CSMD3: variants seen among roughly 807,000 people sequenced by gnomAD.
CSMD3 encodes the protein CUB and Sushi multiple domains 3.
A neutral mutation model predicts 435.2 loss-of-function variants in CSMD3; 177 were observed. That is an observed-to-expected ratio of 0.41 (90% CI 0.36 to 0.46). The LOEUF is 0.46. CSMD3 is among the 20% of genes least tolerant of loss of function. CSMD3 has a pLI of 0.34. For missense variants in CSMD3, 4,265 were observed against 4,504.6 expected (o/e 0.95, Z 1.52); for synonymous variants, 1,656 against 1,520.5 (o/e 1.09, Z -2.07).
At chr8:113,059,844 G>A (rs1431677687) in intron 5 of CSMD3, among the ~76,000 whole-genome samples, 2 of 152,132 alleles carry the variant, frequency 1.3e-5, no homozygotes, top group Non-Finnish European at 2.9e-5. Flanking sequence ...CGTTTAAACT[G>A]CAGGAGGAAA....
At chr8:112,235,956 C>T (rs941395019) in intron 67 of CSMD3, among the ~76,000 whole-genome samples, 4 of 151,680 alleles carry the variant, frequency 2.6e-5, no homozygotes, top group African/African-American at 9.7e-5. Flanking sequence ...TAAAGAAAAA[C>T]TTTGTTAACA....
chr8:113,133,786 A>G (rs1039912355), intron 4 of CSMD3, among the ~76,000 whole-genome samples: 2 of 152,132 alleles, frequency 1.3e-5, no homozygotes, highest in African/African-American at 4.8e-5. Flanking sequence ...TATAAAGTGA[A>G]ATAAATCCGT....
chr8:113,247,120 C>T (rs1233338133), intron 3 of CSMD3, among the ~76,000 whole-genome samples: 1 of 152,218 alleles, frequency 6.6e-6, no homozygotes, highest in African/African-American at 2.4e-5. Context: ...CTATCTCATT[C>T]TCCACAGGAG....
intron 59 of CSMD3, among the ~76,000 whole-genome samples, chr8:112,270,219 C>A (rs1484640323): frequency 6.6e-6 from 1 of 152,014 alleles, no homozygotes. Flanking sequence ...GGAGACCTTA[C>A]CATTATTATT....
chr8:112,368,530 T>C (rs901540931), intron 38 of CSMD3, among the ~76,000 whole-genome samples: 1 of 152,194 alleles, frequency 6.6e-6, no homozygotes, highest in Non-Finnish European at 1.5e-5. Context: ...ATGTCCTTAC[T>C]CTTAATTAGT....
chr8:112,660,557 A>G (rs911073718), intron 17 of CSMD3, among the ~76,000 whole-genome samples: 1 of 151,720 alleles, frequency 6.6e-6, no homozygotes, highest in Admixed American at 6.6e-5. Flanking sequence ...GGAAGAAGAT[A>G]TTTAAGGATT....
intron 10 of CSMD3, among the ~76,000 whole-genome samples, chr8:112,882,496 A>G (rs2081476702): frequency 6.6e-6 from 1 of 151,928 alleles, no homozygotes; most frequent in South Asian, 2.1e-4. Flanking sequence ...CCCTTATTTC[A>G]CTACCTACTC....
At chr8:112,692,337 TG>T (rs1292309002) in intron 13 of CSMD3, among the ~76,000 whole-genome samples, 1 of 152,178 alleles carries the variant, frequency 6.6e-6, no homozygotes, top group African/African-American at 2.4e-5. Context: ...TTGTAGCTTA[TG>T]TTTTGGTTTA....
At chr8:113,185,939 G>A (rs979863970) in intron 3 of CSMD3, among the ~76,000 whole-genome samples, 14 of 151,840 alleles carry the variant, frequency 9.2e-5, no homozygotes, top group Admixed American at 2.0e-4. Flanking sequence ...TTCCCACCAG[G>A]GAATCTGCCC....
chr8:113,412,970 C>T (rs569004884), intron 1 of CSMD3, among the ~76,000 whole-genome samples: 4 of 152,082 alleles, frequency 2.6e-5, no homozygotes, highest in Admixed American at 1.3e-4. Context: ...AACAGCAGTT[C>T]CTATTAGATA....
chr8:113,300,162 C>CAAAAAAAAAAAAAA (rs34291122), intron 2 of CSMD3, among the ~76,000 whole-genome samples: 5 of 116,556 alleles, frequency 4.3e-5, no homozygotes, highest in East Asian at 5.1e-4. Context: ...TCAAAAAAGT[C>CAAAAAAAAAAAAAA]AAAAAAAAAA....
chr8:112,673,043 C>T (rs1202466359), intron 16 of CSMD3, among the ~76,000 whole-genome samples: 1 of 151,866 alleles, frequency 6.6e-6, no homozygotes, highest in East Asian at 1.9e-4. Context: ...GGGATTTTGC[C>T]ATAGGTGAAT....
Position 112,331,860 on chromosome 8 carries a change from T to G in CSMD3, c.7165+3469A>C, listed in dbSNP as rs1015746730. On this transcript the variant is annotated intron_variant, in intron 45 of 70. Coordinates refer to ENST00000297405, the MANE Select transcript of CSMD3 (RefSeq NM_198123.2). Reference sequence around the variant, plus strand: ...ATAATGAATTATATACTTGGTTTATTTATCAAAAATTCCAAATAATTTGAC... The same window carrying G: ...ATAATGAATTATATACTTGGTTTATGTATCAAAAATTCCAAATAATTTGAC... Among the ~76,000 whole-genome samples the G allele has an allele frequency of 8.1e-4, 123 of 152,088 alleles. 1 individual carries two copies. The highest frequency in any genetic ancestry group is 2.6e-3 in the African/African-American group (106 of 41,470).
intron 2 of CSMD3, among the ~76,000 whole-genome samples, chr8:113,285,814 T>C (rs764422629): frequency 6.6e-6 from 1 of 152,168 alleles, no homozygotes; most frequent in South Asian, 2.1e-4. Context: ...CACCCTAAAT[T>C]TGTCTTTCAA....
chr8:112,258,601 G>A (rs190978113), intron 61 of CSMD3, among the ~76,000 whole-genome samples: 42 of 152,274 alleles, frequency 2.8e-4, no homozygotes, highest in African/African-American at 9.4e-4. Flanking sequence ...CAGTTAGAAT[G>A]GTGATCATTA....
chr8:113,165,890 T>C (rs925667384), intron 4 of CSMD3, among the ~76,000 whole-genome samples: 1 of 151,856 alleles, frequency 6.6e-6, no homozygotes, highest in Non-Finnish European at 1.5e-5. Flanking sequence ...ATAATGTAAG[T>C]CAATGTTAAA....
chr8:113,074,339 AG>A (rs2089255181), intron 5 of CSMD3, among the ~76,000 whole-genome samples: 1 of 151,938 alleles, frequency 6.6e-6, no homozygotes, highest in African/African-American at 2.4e-5. Flanking sequence ...TTTCTAAAAA[AG>A]AAAATGCAAC....
At chr8:112,794,285 C>CTTTTTTTTTTTTTTTTT (rs1203991072) in intron 13 of CSMD3, among the ~76,000 whole-genome samples, 1 of 96,302 alleles carries the variant, frequency 1.0e-5, no homozygotes, top group Non-Finnish European at 2.0e-5. Flanking sequence ...GACTGATAAA[C>CTTTTTTTTTTTTTTTTT]TTTTTTTTTT....
Position 112,296,037 on chromosome 8 carries a change from T to C in CSMD3, c.8441-31A>G, listed in dbSNP as rs1458986595. ...ATACGTTATAAAGTAATATTTTTAA[T>C]ACTGTGATTTGTTTTATTTGTATAT... On this transcript the variant is annotated intron_variant, in intron 53 of 70. Transcript: ENST00000297405. The C allele has an allele frequency of 3.9e-6, 6 of 1,536,468 alleles. No individual in the cohort carries two copies. In the African/African-American group the frequency reaches 6.8e-5, roughly 17 times the overall value.
Sources: gnomAD v4.1 joint callset for allele counts (sites outside exome capture counted in the v4.1 genomes callset) on GRCh38, gnomAD v4.1.1 for gene constraint, MANE v1.5 for transcripts, NCBI Gene and HGNC (gene_info 2026-07-23, HGNC 2026-07-21) for gene names.